The following SH2B2 variants were observed in gnomAD, a reference collection of about 807,000 sequenced individuals.
The protein encoded by SH2B2 is SH2B adapter protein 2.
SH2B2 carries 37 observed loss-of-function variants against 35.7 expected under a neutral mutation model. The observed-to-expected ratio is 1.04, with a 90% CI of 0.80 to 1.36. The LOEUF (loss-of-function observed/expected upper bound fraction) is 1.36. Among genes scored for constraint, SH2B2 ranks in the 40% most tolerant of loss-of-function variants. The probability of loss-of-function intolerance (pLI) is 0.00; values close to 1 mark genes in which losing one functional copy is unlikely to be tolerated. For synonymous variants in SH2B2, 383 were observed against 376.4 expected (o/e 1.02, Z -0.20); for missense variants, 852 against 817.7 (o/e 1.04, Z -0.51).
intron 4 of SH2B2, among the ~76,000 whole-genome samples, chr7:102,313,651 A>T (rs1793708608): frequency 6.6e-6 from 1 of 152,200 alleles, no homozygotes; most frequent in South Asian, 2.1e-4. Flanking sequence ...GCAGTGGCTC[A>T]CGCCTGTAAT....
intron 6 of SH2B2, among the ~76,000 whole-genome samples, chr7:102,315,417 C>G (rs1793785843): frequency 6.6e-6 from 1 of 151,956 alleles, no homozygotes; most frequent in Admixed American, 6.6e-5. Flanking sequence ...GCAACCTCCA[C>G]CCCCAAGTCC....
Position 102,314,434 on chromosome 7 carries a change from A to AG in SH2B2, c.1015+12dup, listed in dbSNP as rs1261284071. 23 of 398,774 alleles carry AG rather than the reference A, an allele frequency of 5.8e-5. No homozygotes were observed. Among genetic ancestry groups the AG allele is most frequent in the East Asian group, 3.2e-4 (9 of 28,094 alleles). 24.7% of individuals were successfully genotyped at this position (398,774 alleles called of 1,614,324 possible). A position where few individuals can be genotyped will look rare whatever the true frequency, so the allele number is the denominator to read the frequency against. Reference sequence around the variant, plus strand: ...TGTGAGCTCCTGACTGATGGTAGGTAGGGGGACAGGGTTGAAGGAGGGGCA... The same window carrying AG: ...TGTGAGCTCCTGACTGATGGTAGGTAGGGGGGACAGGGTTGAAGGAGGGGCA... On this transcript the variant is annotated splice_region_variant and intron_variant, in intron 5 of 8. Coordinates refer to ENST00000444095, the MANE Select transcript of SH2B2 (RefSeq NM_001359228.2).
chr7:102,318,148 T>C (rs1793924603), intron 7 of SH2B2, among the ~76,000 whole-genome samples: 1 of 152,088 alleles, frequency 6.6e-6, no homozygotes, highest in African/African-American at 2.4e-5. Flanking sequence ...TTTTTGTTTT[T>C]GTTTTTTTTT....
chr7:102,291,600 T>G (rs1268238708), intron 1 of SH2B2, among the ~76,000 whole-genome samples: 6 of 152,170 alleles, frequency 3.9e-5, no homozygotes, highest in African/African-American at 1.4e-4. Flanking sequence ...CCAGAAGCCA[T>G]GCCTACTTTG....
intron 2 of SH2B2, among the ~76,000 whole-genome samples, chr7:102,305,830 G>GTCAA (rs1793369163): frequency 6.7e-6 from 1 of 150,296 alleles, no homozygotes; most frequent in African/African-American, 2.4e-5. Flanking sequence ...AGGCTCAGAT[G>GTCAA]TCAATTCTGG....
Position 102,321,444 on chromosome 7 carries a change from C to T in SH2B2, c.1713C>T (p.Ala571=). Residue 571 remains alanine (A), a synonymous_variant, in exon 9 of 9, where the codon GCC becomes GCT. Transcript: ENST00000444095. Reference sequence around the variant, plus strand: ...CCGCCGGCGCCTCCTCGTCTTCCGCCTCGTCGTCCTCTGCCGCGTCGGGGC... The same window carrying T: ...CCGCCGGCGCCTCCTCGTCTTCCGCTTCGTCGTCCTCTGCCGCGTCGGGGC... The part of the protein sequence containing the change: ...SDAAGASSSS[A]SSSSAASGPA... 2.4e-6 allele frequency: 3 copies of T among 1,274,364 alleles called. No individual in the cohort carries two copies. Among genetic ancestry groups the T allele is most frequent in the African/African-American group, 1.6e-5 (1 of 63,394 alleles). 78.9% of individuals were successfully genotyped at this position (1,274,364 alleles called of 1,614,324 possible). A position where few individuals can be genotyped will look rare whatever the true frequency, so the allele number is the denominator to read the frequency against.
intron 2 of SH2B2, 40 bp downstream of exon 2, chr7:102,301,319 G>T: frequency 6.4e-7 from 1 of 1,568,784 alleles, no homozygotes; most frequent in East Asian, 2.4e-5. Flanking sequence ...GGGGGGACCA[G>T]AGGAGGCACC....
intron 2 of SH2B2, among the ~76,000 whole-genome samples, chr7:102,304,124 G>T (rs555878521): frequency 2.2e-4 from 34 of 152,216 alleles, no homozygotes; most frequent in African/African-American, 7.9e-4. Flanking sequence ...TGCCCTGAAT[G>T]ATACCCCCAC....
intron 4 of SH2B2, among the ~76,000 whole-genome samples, chr7:102,310,918 C>T (rs1361874504): frequency 1.3e-5 from 2 of 152,132 alleles, no homozygotes; most frequent in South Asian, 2.1e-4. Context: ...AGCCCAGCCC[C>T]TCAAGGATAG....
chr7:102,301,157 A>T lies in SH2B2; in HGVS notation c.607A>T (p.Met203Leu). The T allele has an allele frequency of 6.4e-7, 1 of 1,566,270 alleles. No individual in the cohort carries two copies. The highest frequency in any genetic ancestry group is 8.6e-7 in the Non-Finnish European group (1 of 1,159,800). Residue 203 changes from methionine to leucine, a missense_variant, in exon 2 of 9, where the codon ATG becomes TTG. Coordinates refer to ENST00000444095, the MANE Select transcript of SH2B2 (RefSeq NM_001359228.2). ...TCAACGCGAGGGGGCGCTGCGCTTC[A>T]TGGTGGCCGACGACGCGGCCGCGGG... is the stretch of plus-strand genomic sequence containing the variant. Reference protein sequence around the residue: ...DIQREGALRFMVADDAAAGSG... With the variant: ...DIQREGALRFLVADDAAAGSG...
intron 1 of SH2B2, among the ~76,000 whole-genome samples, chr7:102,287,299 C>T (rs2132879875): frequency 6.6e-6 from 1 of 152,114 alleles, no homozygotes; most frequent in African/African-American, 2.4e-5. Context: ...CTGGGATCTG[C>T]TCCCCGATCC....
intron 1 of SH2B2, among the ~76,000 whole-genome samples, chr7:102,289,797 G>T (rs992750665): frequency 6.6e-6 from 1 of 151,774 alleles, no homozygotes; most frequent in African/African-American, 2.4e-5. Flanking sequence ...AGTGGAAGGG[G>T]CTGAGTGTCT....
At chr7:102,317,039 C>G in intron 6 of SH2B2, 148 bp from the exon 7 acceptor site, 1 of 703,828 alleles carries the variant, frequency 1.4e-6, no homozygotes, top group Non-Finnish European at 2.2e-6. Context: ...AAAATAAAAA[C>G]TAAAAACCAA....
At chr7:102,287,281 G>A (rs1792492186) in intron 1 of SH2B2, among the ~76,000 whole-genome samples, 187 bp downstream of exon 1, 1 of 152,012 alleles carries the variant, frequency 6.6e-6, no homozygotes, top group African/African-American at 2.4e-5. Flanking sequence ...GAGGGGAGGC[G>A]CCCCCGGCTG....
rs1023230802 is a variant in SH2B2 at position 102,307,504 on chromosome 7, G to T, written c.831+682G>T. 4.6e-5 allele frequency among the ~76,000 whole-genome samples: 7 copies of T among 152,234 alleles called. No individual in the cohort carries two copies. In the East Asian group the frequency reaches 1.4e-3, roughly 29 times the overall value. On this transcript the variant is annotated intron_variant, in intron 3 of 8. Transcript: ENST00000444095. Reference sequence around the variant, plus strand: ...TCTGGTTGTGTTTGTGTTTCTGCCCGTTCTCATTTGTTTAGTCACGGACTC... The same window carrying T: ...TCTGGTTGTGTTTGTGTTTCTGCCCTTTCTCATTTGTTTAGTCACGGACTC...
intron 4 of SH2B2, chr7:102,309,348 T>G: frequency 6.5e-6 from 2 of 306,648 alleles, no homozygotes; most frequent in South Asian, 5.1e-5. Flanking sequence ...CCTCTCTCTC[T>G]CTCTCTCTTT....
At chr7:102,286,712 C>T (rs1253186885), upstream of SH2B2, among the ~76,000 whole-genome samples, 1 of 133,106 alleles carries the variant, frequency 7.5e-6, no homozygotes, top group Non-Finnish European at 1.6e-5. Context: ...CGGCGCCGCT[C>T]GGGCTCCGCG....
chr7:102,300,720 C>A lies in SH2B2; in HGVS notation c.170C>A (p.Ala57Asp). 1 of 1,531,320 alleles carries A rather than the reference C, an allele frequency of 6.5e-7. No homozygotes were observed. Among genetic ancestry groups the A allele is most frequent in the Non-Finnish European group, 8.8e-7 (1 of 1,135,244 alleles). The allele number at this position is 1,531,320 out of a possible 1,614,324, so 94.9% of individuals were successfully genotyped here. Residue 57 changes from alanine to aspartate, a missense_variant, in exon 2 of 9, where the codon GCC (alanine) becomes GAC (aspartate). Coordinates refer to ENST00000444095, the MANE Select transcript of SH2B2 (RefSeq NM_001359228.2). ...RDNPAYDTPDAGASFSRHFAA... is the reference protein window; with the variant it reads ...RDNPAYDTPDDGASFSRHFAA... ...AACCCAGCTTACGACACGCCCGACGCCGGCGCCTCCTTCTCCCGCCACTTC... is the reference window on the plus strand; with the variant it reads ...AACCCAGCTTACGACACGCCCGACGACGGCGCCTCCTTCTCCCGCCACTTC...
chr7:102,289,070 G>T (rs1792570890), intron 1 of SH2B2, among the ~76,000 whole-genome samples: 1 of 152,216 alleles, frequency 6.6e-6, no homozygotes, highest in Non-Finnish European at 1.5e-5. Context: ...TTATGGCTAT[G>T]CTCTGTCTAG....
Sources: gnomAD v4.1 joint callset for allele counts (sites outside exome capture counted in the v4.1 genomes callset) on GRCh38, gnomAD v4.1.1 for gene constraint, MANE v1.5 for transcripts, NCBI Gene and HGNC (gene_info 2026-07-23, HGNC 2026-07-21) for gene names.